LIMS4: variants seen among roughly 807,000 people sequenced by gnomAD.
The protein encoded by LIMS4 is LIM zinc finger domain containing 4.
chr2:110,382,136 T>C, the LIMS4 span, among the ~76,000 whole-genome samples: 3 of 98,732 alleles, frequency 3.0e-5, no homozygotes, highest in African/African-American at 9.8e-5. Flanking sequence ...TATATATATA[T>C]ATATATATAT....
the LIMS4 span, among the ~76,000 whole-genome samples, chr2:110,425,219 A>G: frequency 4.2e-5 from 6 of 142,850 alleles, 2 homozygotes; most frequent in African/African-American, 1.7e-4. Flanking sequence ...TATCCAGACC[A>G]GATCTCTTTA....
At chr2:110,360,714 G>A in the LIMS4 span, 30 of 1,604,360 alleles carry the variant, frequency 1.9e-5, no homozygotes, top group Middle Eastern at 4.5e-4. Flanking sequence ...CGCACACTTT[G>A]CACTTTCTGT....
the LIMS4 span, among the ~76,000 whole-genome samples, chr2:110,425,135 C>T: frequency 1.4e-5 from 2 of 143,044 alleles, no homozygotes; most frequent in East Asian, 2.0e-4. Context: ...AGACCAGGAA[C>T]CCACCGGAAG....
At chr2:110,367,748 G>A in the LIMS4 span, among the ~76,000 whole-genome samples, 5 of 146,160 alleles carry the variant, frequency 3.4e-5, no homozygotes, top group East Asian at 9.8e-4. Flanking sequence ...GGGCGTGGTG[G>A]CACACGTGCC....
At chr2:110,368,989 C>G in the LIMS4 span, among the ~76,000 whole-genome samples, 1 of 112,840 alleles carries the variant, frequency 8.9e-6, no homozygotes, top group Non-Finnish European at 1.8e-5. Context: ...AGCACAGCGA[C>G]CCACCAGGCC....
chr2:110,372,094 G>GGGTTAAT, the LIMS4 span, among the ~76,000 whole-genome samples: 1 of 146,720 alleles, frequency 6.8e-6, no homozygotes, highest in African/African-American at 2.7e-5. Context: ...AGGAGAGAGA[G>GGGTTAAT]GGTTAATGTT....
chr2:110,424,867 G>A, the LIMS4 span, among the ~76,000 whole-genome samples: 21 of 142,668 alleles, frequency 1.5e-4, 1 homozygote, highest in African/African-American at 4.1e-4. Flanking sequence ...ACCAATCAGC[G>A]GTATTCTAAA....
chr2:110,390,822 C>T, the LIMS4 span, among the ~76,000 whole-genome samples: 1 of 152,350 alleles, frequency 6.6e-6, no homozygotes, highest in Non-Finnish European at 1.5e-5. Context: ...TGGTATGGTC[C>T]CTGCCCTCCA....
At chr2:110,433,276 CACT>C in the LIMS4 span, among the ~76,000 whole-genome samples, 1 of 143,616 alleles carries the variant, frequency 7.0e-6, no homozygotes, top group Non-Finnish European at 1.5e-5. Flanking sequence ...AGGCACTTCC[CACT>C]ACTACTCTCA....
At chr2:110,453,611 G>GCACA (rs1574286413) in intron 5 of LIMS4, among the ~76,000 whole-genome samples, 1 of 150,746 alleles carries the variant, frequency 6.6e-6, no homozygotes, top group East Asian at 2.0e-4. Flanking sequence ...CGCGATCTCG[G>GCACA]CTCACTGCAA....
At chr2:110,395,043 AC>A in the LIMS4 span, among the ~76,000 whole-genome samples, 1 of 143,058 alleles carries the variant, frequency 7.0e-6, no homozygotes, top group Non-Finnish European at 1.5e-5. Flanking sequence ...CCTGGTCCTG[AC>A]TTGGAGGAGT....
At chr2:110,367,897 T>A in the LIMS4 span, among the ~76,000 whole-genome samples, 1 of 143,316 alleles carries the variant, frequency 7.0e-6, no homozygotes, top group Non-Finnish European at 1.5e-5. Context: ...AGAAAAAAAA[T>A]TCTGGAACTA....
the LIMS4 span, among the ~76,000 whole-genome samples, chr2:110,407,301 A>T: frequency 1.6e-4 from 1 of 6,104 alleles, no homozygotes; most frequent in African/African-American, 5.8e-4. Flanking sequence ...GGGATGAGGT[A>T]TTGGCTGCCT....
the LIMS4 span, chr2:110,361,158 G>C: frequency 2.2e-6 from 2 of 898,984 alleles, no homozygotes; most frequent in South Asian, 1.4e-5. Context: ...TTCAGGTCAG[G>C]GTCCTTGATG....
chr2:110,360,710 CT>C, the LIMS4 span: 2 of 1,604,610 alleles, frequency 1.2e-6, no homozygotes, highest in Non-Finnish European at 1.7e-6. Context: ...TTTGCGCACA[CT>C]TTGCACTTTC....
At chr2:110,382,134 TATATATATATATATATAC>T in the LIMS4 span, among the ~76,000 whole-genome samples, 2 of 97,802 alleles carry the variant, frequency 2.0e-5, no homozygotes, top group Admixed American at 1.1e-4. Context: ...TATATATATA[TATATATATATATATATAC>T]ATGTTTGAAC....
At chr2:110,365,988 C>G in the LIMS4 span, among the ~76,000 whole-genome samples, 1 of 151,156 alleles carries the variant, frequency 6.6e-6, no homozygotes, top group Non-Finnish European at 1.5e-5. Context: ...AACTGAAACC[C>G]TGAACAGACT....
intron 5 of LIMS4, among the ~76,000 whole-genome samples, chr2:110,453,687 C>T (rs1356230125): frequency 3.3e-5 from 5 of 152,256 alleles, no homozygotes; most frequent in South Asian, 4.1e-4. Flanking sequence ...ACTACAGGCG[C>T]CCGCCACCGT....
the LIMS4 span, among the ~76,000 whole-genome samples, chr2:110,424,746 T>C: frequency 2.1e-5 from 3 of 143,948 alleles, no homozygotes; most frequent in African/African-American, 8.5e-5. Flanking sequence ...CTGAGTGCAG[T>C]GGGGACTTGG....
Sources: allele counts gnomAD v4.1 joint callset (sites outside exome capture counted in the v4.1 genomes callset), GRCh38; gene constraint gnomAD v4.1.1; transcripts MANE v1.5; gene names NCBI Gene and HGNC (gene_info 2026-07-23, HGNC 2026-07-21).